ELP4: variants seen among roughly 807,000 people sequenced by gnomAD.
ELP4 encodes the protein elongator complex protein 4.
Under a neutral mutation model 48.9 loss-of-function variants are expected in ELP4, and 51 were observed. The observed-to-expected ratio is 1.04, with a 90% confidence interval of 0.83 to 1.32. The LOEUF (loss-of-function observed/expected upper bound fraction) is 1.32, where lower values mean the gene tolerates loss of function less well. Ranked by LOEUF, ELP4 falls within the 40% of genes most tolerant of loss-of-function variation. The probability of loss-of-function intolerance (pLI) is 0.00; values close to 1 mark genes in which losing one functional copy is unlikely to be tolerated. For synonymous variants in ELP4, 210 were observed against 189.2 expected, an observed-to-expected ratio of 1.11 and a Z score of -0.90; for missense variants, 519 against 514.6, an observed-to-expected ratio of 1.01 and a Z score of -0.08.
chr11:31,690,948 A>T (rs1436643875), intron 9 of ELP4, among the ~76,000 whole-genome samples: 1 of 151,976 alleles, frequency 6.6e-6, no homozygotes, highest in African/African-American at 2.4e-5. Flanking sequence ...AATTTCCTAC[A>T]TTAAGACTTC....
At chr11:31,723,482 C>T (rs1211379874) in intron 9 of ELP4, among the ~76,000 whole-genome samples, 5 of 152,190 alleles carry the variant, frequency 3.3e-5, no homozygotes, top group Non-Finnish European at 7.3e-5. Context: ...CAGGACCCTT[C>T]GAAGCACAGT....
intron 3 of ELP4, among the ~76,000 whole-genome samples, chr11:31,560,703 A>AAACAACGTTGTTTTATATATATATAG (rs1241543077): frequency 6.8e-6 from 1 of 147,388 alleles, no homozygotes; most frequent in East Asian, 2.0e-4. Context: ...TATATATATA[A>AAACAACGTTGTTTTATATATATATAG]AACAACGTTG....
chr11:31,586,838 C>A (rs941579470), intron 3 of ELP4, among the ~76,000 whole-genome samples: 57 of 152,036 alleles, frequency 3.7e-4, no homozygotes, highest in African/African-American at 1.4e-3. Context: ...GACGGGGTTT[C>A]TCCATGTTGG....
intron 2 of ELP4, among the ~76,000 whole-genome samples, chr11:31,539,076 TG>T (rs564669247): frequency 1.2e-3 from 185 of 152,304 alleles, no homozygotes; most frequent in African/African-American, 4.4e-3. Context: ...TCCCTATACC[TG>T]AAGTGTGTAT....
intron 9 of ELP4, among the ~76,000 whole-genome samples, chr11:31,745,430 C>A (rs565590601): frequency 1.3e-5 from 2 of 152,288 alleles, no homozygotes; most frequent in African/African-American, 4.8e-5. Context: ...CCCACTTCGC[C>A]AAGTCAATCC....
chr11:31,627,084 A>G, intron 5 of ELP4, 26 bp from the exon 6 acceptor site: 1 of 1,438,274 alleles, frequency 7.0e-7, no homozygotes, highest in Non-Finnish European at 9.8e-7. Context: ...CCATTTATGT[A>G]TTTGAACCAC....
intron 9 of ELP4, among the ~76,000 whole-genome samples, chr11:31,734,669 A>G (rs1380907309): frequency 1.3e-5 from 2 of 152,234 alleles, no homozygotes; most frequent in Non-Finnish European, 2.9e-5. Flanking sequence ...AGGCAAAAGT[A>G]TTGTACACTG....
chr11:31,692,704 G>A (rs571366493), intron 9 of ELP4, among the ~76,000 whole-genome samples: 2 of 152,040 alleles, frequency 1.3e-5, no homozygotes, highest in African/African-American at 4.8e-5. Flanking sequence ...TTCCTCGAAG[G>A]CTCATTCACA....
chr11:31,630,550 A>G (rs545055975), intron 6 of ELP4, among the ~76,000 whole-genome samples: 2 of 152,022 alleles, frequency 1.3e-5, no homozygotes, highest in Non-Finnish European at 2.9e-5. Context: ...GCTGGTCTCA[A>G]ACTCTTGACC....
intron 1 of ELP4, 130 bp downstream of exon 1, chr11:31,510,137 C>G: frequency 6.1e-6 from 5 of 823,398 alleles, no homozygotes; most frequent in Non-Finnish European, 9.5e-6. Flanking sequence ...ATAGCCTGGT[C>G]TGATTGAGAT....
At chr11:31,668,702 GTGTGTGTGTGTGTGTGTGTA>G (rs1210922471) in intron 9 of ELP4, among the ~76,000 whole-genome samples, 8 of 142,926 alleles carry the variant, frequency 5.6e-5, no homozygotes, top group South Asian at 2.3e-4. Context: ...GTGTGTGTGT[GTGTGTGTGTGTGTGTGTGTA>G]AGAACCCTGT....
intron 9 of ELP4, among the ~76,000 whole-genome samples, chr11:31,728,727 A>G (rs1213158310): frequency 1.3e-5 from 2 of 152,238 alleles, no homozygotes; most frequent in African/African-American, 2.4e-5. Context: ...GTAGATCATC[A>G]TAAACAAACA....
chr11:31,777,257 T>A (rs1948268936), intron 9 of ELP4, among the ~76,000 whole-genome samples: 1 of 152,114 alleles, frequency 6.6e-6, no homozygotes, highest in Non-Finnish European at 1.5e-5. Context: ...ATAGTCTGTC[T>A]CCTCCCCTCC....
chr11:31,714,947 G>T, intron 9 of ELP4: 1 of 396,490 alleles, frequency 2.5e-6, no homozygotes. Context: ...ATTCCTCTTT[G>T]CCATGTAAGG....
At chr11:31,604,603 T>A (rs1957838831) in intron 5 of ELP4, among the ~76,000 whole-genome samples, 1 of 151,934 alleles carries the variant, frequency 6.6e-6, no homozygotes, top group Admixed American at 6.6e-5. Flanking sequence ...ATGGAACAGA[T>A]TGTCATTTAT....
intron 9 of ELP4, among the ~76,000 whole-genome samples, chr11:31,684,524 T>C (rs1432058018): frequency 6.6e-6 from 1 of 152,180 alleles, no homozygotes; most frequent in East Asian, 1.9e-4. Flanking sequence ...ATAATATTTA[T>C]ACATAGCAAT....
chr11:31,597,468 G>A (rs547093734), intron 4 of ELP4, among the ~76,000 whole-genome samples: 14 of 152,280 alleles, frequency 9.2e-5, no homozygotes, highest in South Asian at 2.1e-4. Context: ...TATAGGACTA[G>A]CACTTGAGAA....
chr11:31,677,640 A>G (rs1164559896), intron 9 of ELP4, among the ~76,000 whole-genome samples: 1 of 152,178 alleles, frequency 6.6e-6, no homozygotes, highest in East Asian at 1.9e-4. Context: ...TGCCAATGTG[A>G]TTTAAAAAAA....
At position 31,620,508 on chromosome 11, in the gene ELP4, G is replaced by A. The variant is rs191686371; in HGVS notation, c.654-6602G>A. ...GTATGGCAGTTATTGATAATTACAT[G>A]GTCTAAAAAACAACCATGGGGATGA... On this transcript the variant is annotated intron_variant, in intron 5 of 9. Transcript: ENST00000640961. 4.0e-3 allele frequency among the ~76,000 whole-genome samples: 603 copies of A among 151,922 alleles called. 4 individuals are homozygous for A. The highest frequency in any genetic ancestry group is 0.014 in the African/African-American group (576 of 41,480).
Sources: allele counts gnomAD v4.1 joint callset (sites outside exome capture counted in the v4.1 genomes callset), GRCh38; gene constraint gnomAD v4.1.1; transcripts MANE v1.5; gene names NCBI Gene and HGNC (gene_info 2026-07-23, HGNC 2026-07-21).